Variants in NGEF observed in about 807,000 individuals in gnomAD.
The protein encoded by NGEF is ephexin-1.
Under a neutral mutation model 80.9 loss-of-function variants are expected in NGEF, and 31 were observed. The observed-to-expected ratio is 0.38, with a 90% CI of 0.29 to 0.52. The LOEUF (loss-of-function observed/expected upper bound fraction) is 0.52, where lower values mean the gene tolerates loss of function less well. NGEF is among the 20% of genes least tolerant of loss of function. NGEF has a pLI of 0.84. For synonymous variants in NGEF, 371 were observed against 370.2 expected, an observed-to-expected ratio of 1.00 and a Z score of -0.03; for missense variants, 709 against 926.2, an observed-to-expected ratio of 0.77 and a Z score of 3.04.
At chr2:232,982,206 A>G (rs538684583) in intron 1 of NGEF, among the ~76,000 whole-genome samples, 4 of 152,266 alleles carry the variant, frequency 2.6e-5, no homozygotes, top group East Asian at 1.9e-4. Flanking sequence ...AACATCATCA[A>G]TCTCTCCAAG....
rs1042299398 is a variant in NGEF, at chr2:232,892,518, C to A, written c.1142+380G>T. ...GAGGCTCCTTCCCATCCTGTCCCTGCCCTTGTCGCTAGTTCAAGCCCCGTC... is the reference window on the plus strand; with the variant it reads ...GAGGCTCCTTCCCATCCTGTCCCTGACCTTGTCGCTAGTTCAAGCCCCGTC... On this transcript the variant is annotated intron_variant, in intron 7 of 14. Coordinates refer to ENST00000264051, the MANE Select transcript of NGEF (RefSeq NM_019850.3). This position sits in a 1 kb window ranked among gnomAD's most constrained non-coding sequence, Gnocchi z 4.0. Among the ~76,000 whole-genome samples the A allele has an allele frequency of 6.6e-6, 1 of 152,188 alleles. No homozygotes were observed. Among genetic ancestry groups the A allele is most frequent in the African/African-American group, 2.4e-5 (1 of 41,452 alleles).
chr2:232,934,343 C>T (rs1267905533), intron 3 of NGEF, among the ~76,000 whole-genome samples: 1 of 150,642 alleles, frequency 6.6e-6, no homozygotes, highest in East Asian at 1.9e-4. Flanking sequence ...TTTGATGTAA[C>T]ACTAAATGGA....
At chr2:232,939,005 C>G (rs1279872616) in intron 3 of NGEF, among the ~76,000 whole-genome samples, 1 of 151,726 alleles carries the variant, frequency 6.6e-6, no homozygotes, top group Non-Finnish European at 1.5e-5. Context: ...TGGTGAAACT[C>G]CATCTCTACT....
intron 3 of NGEF, among the ~76,000 whole-genome samples, chr2:232,956,762 G>A (rs1301034544): frequency 1.6e-5 from 2 of 128,736 alleles, no homozygotes; most frequent in Non-Finnish European, 3.1e-5. Context: ...CAGTCTGGGC[G>A]ACAGAGCAAG....
At chr2:232,995,737 C>T (rs1694827167) in intron 1 of NGEF, among the ~76,000 whole-genome samples, 1 of 142,772 alleles carries the variant, frequency 7.0e-6, no homozygotes, top group East Asian at 2.0e-4. Context: ...TATACATATA[C>T]ATATGCACAA....
At chr2:232,965,695 C>T (rs1026672438) in intron 3 of NGEF, among the ~76,000 whole-genome samples, 1 of 152,158 alleles carries the variant, frequency 6.6e-6, no homozygotes, top group African/African-American at 2.4e-5. Flanking sequence ...AGGCTTTTGT[C>T]TAGAAAATGT....
Position 232,925,495 on chromosome 2 carries a change from C to T in NGEF, c.526+1549G>A, listed in dbSNP as rs114528927. On this transcript the variant is annotated intron_variant, in intron 4 of 14. Transcript: ENST00000264051. Reference sequence around the variant, plus strand: ...GATGCCCTGCTGCTTCCCAGATGAGCACAGTGACGCCCCAAACGACCAGGC... The same window carrying T: ...GATGCCCTGCTGCTTCCCAGATGAGTACAGTGACGCCCCAAACGACCAGGC... 5.9e-3 allele frequency among the ~76,000 whole-genome samples: 906 copies of T among 152,288 alleles called. 6 individuals carry two copies. Among genetic ancestry groups the T allele is most frequent in the African/African-American group, 0.02 (833 of 41,562 alleles).
intron 4 of NGEF, among the ~76,000 whole-genome samples, chr2:232,925,929 C>T (rs1252926820): frequency 6.6e-6 from 1 of 152,170 alleles, no homozygotes; most frequent in African/African-American, 2.4e-5. Flanking sequence ...AACAAAATTC[C>T]GGAGTCAGCG....
intron 3 of NGEF, among the ~76,000 whole-genome samples, chr2:232,964,374 G>A (rs1263337351): frequency 2.6e-5 from 4 of 152,158 alleles, no homozygotes; most frequent in Non-Finnish European, 4.4e-5. Context: ...TAAGCAAATT[G>A]TGGCAATACC....
intron 3 of NGEF, among the ~76,000 whole-genome samples, chr2:232,933,376 T>C (rs921219187): frequency 1.3e-5 from 2 of 152,106 alleles, no homozygotes; most frequent in African/African-American, 4.8e-5. Context: ...ACTTGGGCGC[T>C]GGCCTCCGTG....
At chr2:232,946,192 C>G (rs555438502) in intron 3 of NGEF, among the ~76,000 whole-genome samples, 1 of 151,478 alleles carries the variant, frequency 6.6e-6, no homozygotes, top group South Asian at 2.1e-4. Flanking sequence ...AATGGAAAAC[C>G]AAATATTGTA....
chr2:232,882,048 C>T, intron 13 of NGEF, 138 bp downstream of exon 13: 3 of 704,504 alleles, frequency 4.3e-6, no homozygotes, highest in South Asian at 3.5e-5. Context: ...AGGAAGCAGC[C>T]CCTGGAGGCC....
intron 5 of NGEF, among the ~76,000 whole-genome samples, chr2:232,914,878 G>T (rs192501550): frequency 6.6e-6 from 1 of 151,952 alleles, no homozygotes; most frequent in African/African-American, 2.4e-5. Context: ...TTACCTGGGC[G>T]TGGTGGTGCA....
Position 233,013,076 on chromosome 2 carries a change from G to C in NGEF, c.-83C>G, listed in dbSNP as rs1052067924. 9 of 469,400 alleles carry C rather than the reference G, an allele frequency of 1.9e-5. No individual in the cohort carries two copies. Among genetic ancestry groups the C allele is most frequent in the South Asian group, 1.4e-4 (9 of 64,448 alleles). The allele number at this position is 469,400 out of a possible 1,614,324, so 29.1% of individuals were successfully genotyped here. On this transcript the variant is annotated 5_prime_UTR_variant, in exon 1 of 15. Transcript: ENST00000264051. ...CAAAACCATTCTCTCACCTGCCAGAGAGGAGCTCATAGGAGTTGGGCTTCC... is the reference window on the plus strand; with the variant it reads ...CAAAACCATTCTCTCACCTGCCAGACAGGAGCTCATAGGAGTTGGGCTTCC...
At chr2:232,897,681 A>T (rs1692143538) in intron 5 of NGEF, among the ~76,000 whole-genome samples, 1 of 152,204 alleles carries the variant, frequency 6.6e-6, no homozygotes, top group Non-Finnish European at 1.5e-5. Context: ...AACCACCATC[A>T]GTAGCCAGGG....
intron 3 of NGEF, among the ~76,000 whole-genome samples, chr2:232,967,763 C>G (rs1295364912): frequency 1.3e-5 from 2 of 151,508 alleles, no homozygotes; most frequent in Non-Finnish European, 2.9e-5. Context: ...AAAGCAACCT[C>G]AGGAAGGAAG....
chr2:232,950,809 T>G (rs1221905104), intron 3 of NGEF, among the ~76,000 whole-genome samples: 1 of 152,142 alleles, frequency 6.6e-6, no homozygotes, highest in African/African-American at 2.4e-5. Flanking sequence ...TCTGAAACCC[T>G]CCAAGCCAGA....
chr2:232,922,575 A>G (rs1426873633), intron 4 of NGEF, among the ~76,000 whole-genome samples: 2 of 152,218 alleles, frequency 1.3e-5, no homozygotes, highest in African/African-American at 4.8e-5. Flanking sequence ...CACCACCTCC[A>G]TCAGTTCAAT....
Position 232,948,183 on chromosome 2 carries a change from G to GTGTA in NGEF, c.384-20998_384-20997insTACA, listed in dbSNP as rs760466573. Among the ~76,000 whole-genome samples, 277 of 147,770 alleles carry GTGTA rather than the reference G, an allele frequency of 1.9e-3. 2 individuals are homozygous for GTGTA. The highest frequency in any genetic ancestry group is 8.7e-3 in the Admixed American group (129 of 14,794). ...TGTGTGTGTGTGTGTGTGTGTGTGT[G>GTGTA]TATATAATTATTATTAGTTTTTTGA... On this transcript the variant is annotated intron_variant, in intron 3 of 14. Coordinates refer to ENST00000264051, the MANE Select transcript of NGEF (RefSeq NM_019850.3).
Sources: gnomAD v4.1 joint callset for allele counts (sites outside exome capture counted in the v4.1 genomes callset) on GRCh38, gnomAD v4.1.1 for gene constraint, Gnocchi (gnomAD v3.1) non-coding constraint, MANE v1.5 for transcripts, NCBI Gene and HGNC (gene_info 2026-07-23, HGNC 2026-07-21) for gene names.